MAD1L1: variants seen among roughly 807,000 people sequenced by gnomAD.
MAD1L1 encodes the protein mitotic spindle assembly checkpoint protein MAD1.
Under a neutral mutation model 96.9 loss-of-function variants are expected in MAD1L1, and 95 were observed. That is an observed-to-expected ratio of 0.98 (90% CI 0.83 to 1.16). The LOEUF is 1.16. Ranked by LOEUF, MAD1L1 falls within the 50% of genes most tolerant of loss-of-function variation. The pLI is 0.00. For missense variants in MAD1L1, 1,007 were observed against 954.4 expected, an observed-to-expected ratio of 1.06 and a Z score of -0.73; for synonymous variants, 473 against 396.6, an observed-to-expected ratio of 1.19 and a Z score of -2.29.
intron 16 of MAD1L1, among the ~76,000 whole-genome samples, chr7:1,946,049 A>AG (rs769024258): frequency 2.0e-4 from 30 of 152,242 alleles, no homozygotes; most frequent in South Asian, 6.2e-4. Context: ...GCCCAGAGGA[A>AG]GGGCCAGCGG....
At chr7:2,030,215 A>G (rs1340838977) in intron 12 of MAD1L1, among the ~76,000 whole-genome samples, 1 of 152,128 alleles carries the variant, frequency 6.6e-6, no homozygotes, top group Non-Finnish European at 1.5e-5. Flanking sequence ...CGCTCCACGG[A>G]AGGTCCACAC....
chr7:2,082,156 A>G (rs973770963), intron 11 of MAD1L1, among the ~76,000 whole-genome samples: 11 of 151,980 alleles, frequency 7.2e-5, no homozygotes, highest in Non-Finnish European at 1.5e-4. Flanking sequence ...ATGCCAGAGA[A>G]AGGGAAGGGA....
At chr7:2,091,944 T>C (rs578233772) in intron 11 of MAD1L1, among the ~76,000 whole-genome samples, 3 of 152,338 alleles carry the variant, frequency 2.0e-5, no homozygotes, top group African/African-American at 4.8e-5. Context: ...AAACCTGCTA[T>C]AAACACGCAC....
At chr7:2,161,176 G>A (rs1461988232) in intron 10 of MAD1L1, among the ~76,000 whole-genome samples, 1 of 21,338 alleles carries the variant, frequency 4.7e-5, no homozygotes, top group Non-Finnish European at 9.8e-5. Context: ...GGACTGTACT[G>A]CCGCCATCTC....
chr7:1,942,689 C>T (rs1376363695), intron 16 of MAD1L1, among the ~76,000 whole-genome samples: 3 of 152,144 alleles, frequency 2.0e-5, no homozygotes, highest in East Asian at 1.9e-4. Flanking sequence ...TCAGAAGACC[C>T]GGCGCTGTCG....
intron 11 of MAD1L1, among the ~76,000 whole-genome samples, chr7:2,091,044 G>A (rs1333397112): frequency 1.3e-5 from 2 of 152,144 alleles, no homozygotes; most frequent in Non-Finnish European, 1.5e-5. Flanking sequence ...CGGGTTATAA[G>A]TCACTCCACT....
rs540040640 is a variant in MAD1L1, at chr7:2,103,243, C to T, written c.1074-33905G>A. ...TGTGTCCAGAGGGAGGCCGTCCATC[C>T]GGCCACGCTGAGGGCCGGGTCGCAG... On this transcript the variant is annotated intron_variant, in intron 11 of 18. Transcript: ENST00000265854. The surrounding 1 kb of genome is among the most constrained non-coding windows in gnomAD (Gnocchi z 4.3). Among the ~76,000 whole-genome samples, 28 of 152,260 alleles carry T rather than the reference C, an allele frequency of 1.8e-4. No individual in the cohort carries two copies. The highest frequency in any genetic ancestry group is 6.5e-4 in the African/African-American group (27 of 41,548).
intron 16 of MAD1L1, among the ~76,000 whole-genome samples, chr7:1,945,720 C>G (rs1009158381): frequency 2.6e-5 from 4 of 152,212 alleles, no homozygotes; most frequent in East Asian, 3.9e-4. Flanking sequence ...AGCACTCACG[C>G]GACCCCTCAG....
In MAD1L1 at chr7:1,968,671, C is replaced by T. The variant is rs570191842; in HGVS notation, c.1506-10952G>A. ...TGCTGTTGCGTGGATGTCAGGGGCT[C>T]CCTGATGGGACGTGGTGAGAAAGGA... On this transcript the variant is annotated intron_variant, in intron 15 of 18. Transcript: ENST00000265854. The surrounding 1 kb of genome is among the most constrained non-coding windows in gnomAD (Gnocchi z 5.6). Among the ~76,000 whole-genome samples the T allele has an allele frequency of 6.6e-6, 1 of 152,228 alleles. No homozygotes were observed. Among genetic ancestry groups the T allele is most frequent in the African/African-American group, 2.4e-5 (1 of 41,460 alleles).
intron 10 of MAD1L1, among the ~76,000 whole-genome samples, chr7:2,173,202 G>A (rs1350065836): frequency 2.0e-5 from 3 of 152,192 alleles, no homozygotes; most frequent in Non-Finnish European, 2.9e-5. Context: ...TCCTCTAGAC[G>A]ATAGGCTTTC....
intron 18 of MAD1L1, among the ~76,000 whole-genome samples, chr7:1,856,043 G>C (rs369042442): frequency 2.0e-5 from 3 of 152,186 alleles, no homozygotes; most frequent in Non-Finnish European, 2.9e-5. Context: ...GGGAGCTCTC[G>C]GCTTCTTCAT....
intron 12 of MAD1L1, among the ~76,000 whole-genome samples, chr7:2,016,335 C>T (rs939585413): frequency 4.6e-5 from 7 of 152,202 alleles, no homozygotes; most frequent in Non-Finnish European, 8.8e-5. Context: ...ACCGCCCCCA[C>T]CAGTACTGGC....
At chr7:2,041,673 T>C (rs1783679551) in intron 12 of MAD1L1, among the ~76,000 whole-genome samples, 1 of 152,236 alleles carries the variant, frequency 6.6e-6, no homozygotes, top group Non-Finnish European at 1.5e-5. Context: ...CGACTGACGC[T>C]TGACATGAGT....
chr7:2,014,327 C>A (rs963555768), intron 13 of MAD1L1, among the ~76,000 whole-genome samples, 175 bp downstream of exon 13: 4 of 152,160 alleles, frequency 2.6e-5, no homozygotes, highest in African/African-American at 9.7e-5. Context: ...TGAGAATTAA[C>A]GTGGATCCAC....
chr7:2,049,648 G>A (rs1428192251), intron 12 of MAD1L1, among the ~76,000 whole-genome samples: 1 of 152,234 alleles, frequency 6.6e-6, no homozygotes, highest in Non-Finnish European at 1.5e-5. Flanking sequence ...TTGCTGGAGG[G>A]CAGGAGCCAC....
chr7:2,081,412 C>T (rs1485998161), intron 11 of MAD1L1, among the ~76,000 whole-genome samples: 1 of 152,254 alleles, frequency 6.6e-6, no homozygotes. Context: ...AACACTTCTC[C>T]AATTTCCAGA....
intron 10 of MAD1L1, among the ~76,000 whole-genome samples, chr7:2,189,191 G>A (rs545032149): frequency 3.5e-4 from 54 of 152,280 alleles, no homozygotes; most frequent in African/African-American, 1.3e-3. Flanking sequence ...GTGATGATGT[G>A]GAGAAACTGG....
chr7:1,883,778 A>G (rs1327519854), intron 18 of MAD1L1, among the ~76,000 whole-genome samples: 1 of 152,206 alleles, frequency 6.6e-6, no homozygotes, highest in African/African-American at 2.4e-5. Flanking sequence ...AAAGGAAGGC[A>G]CCATGTGTCT....
rs1401894525 is a variant in MAD1L1 at position 1,825,457 on chromosome 7, C to T, written c.1999-9229G>A. ...CCAGCCAGCTGGTTGGGGTGGGTGG[C>T]GCTGGTCAGGTGGCCACAGCAGAGT... is the stretch of plus-strand genomic sequence containing the variant. On this transcript the variant is annotated intron_variant, in intron 18 of 18. Transcript: ENST00000265854. Among the ~76,000 whole-genome samples, 4 of 152,232 alleles carry T rather than the reference C, an allele frequency of 2.6e-5. 1 individual carries two copies. The South Asian group carries it at 8.3e-4, about 32-fold the overall frequency.
Sources: allele counts gnomAD v4.1 joint callset (sites outside exome capture counted in the v4.1 genomes callset), GRCh38; gene constraint gnomAD v4.1.1; non-coding constraint Gnocchi (gnomAD v3.1); transcripts MANE v1.5; gene names NCBI Gene and HGNC (gene_info 2026-07-23, HGNC 2026-07-21).